Variants in ANO3 observed in about 807,000 individuals in gnomAD.
ANO3 encodes the protein anoctamin-3.
ANO3 carries 99 observed loss-of-function variants against 144.8 expected under a neutral mutation model. That is an observed-to-expected ratio of 0.68 (90% CI 0.58 to 0.81). ANO3 has a LOEUF of 0.81. Among genes scored for constraint, ANO3 ranks in the 30% least tolerant of loss-of-function variants. The pLI is 0.00. For synonymous variants in ANO3, 414 were observed against 392.6 expected (o/e 1.05, Z -0.64); for missense variants, 905 against 1,202.2 (o/e 0.75, Z 3.66).
intron 1 of ANO3, among the ~76,000 whole-genome samples, chr11:26,383,469 T>C (rs1352972515): frequency 7.1e-6 from 1 of 140,978 alleles, no homozygotes; most frequent in Non-Finnish European, 1.6e-5. Context: ...TCATGTTAGA[T>C]TGTTCCTAAT....
chr11:26,281,254 T>TAA lies in ANO3; in HGVS notation c.155-28390_155-28389dup, dbSNP rs540318581. 4.3e-4 allele frequency among the ~76,000 whole-genome samples: 66 copies of TAA among 152,292 alleles called. No individual in the cohort carries two copies. The South Asian group carries it at 0.011, about 25-fold the overall frequency. Reference sequence around the variant, plus strand: ...TCAGAATGTGTAGTATTAATATATATAATCCTATAGTTGGCACACAATTTC... The same window carrying TAA: ...TCAGAATGTGTAGTATTAATATATATAAAATCCTATAGTTGGCACACAATTTC... On this transcript the variant is annotated intron_variant, in intron 1 of 27. Transcript: ENST00000672621.
At chr11:26,444,865 G>A (rs1314291045) in intron 3 of ANO3, among the ~76,000 whole-genome samples, 1 of 152,058 alleles carries the variant, frequency 6.6e-6, no homozygotes, top group African/African-American at 2.4e-5. Context: ...AAACAGTGCT[G>A]GCTTATTAAG....
rs772244354 is a variant in ANO3 at position 26,479,762 on chromosome 11, C to T, written c.432+16614C>T. 4.6e-5 allele frequency among the ~76,000 whole-genome samples: 7 copies of T among 152,022 alleles called. No homozygotes were observed. The East Asian group carries it at 5.8e-4, about 13-fold the overall frequency. On this transcript the variant is annotated intron_variant, in intron 4 of 26. Transcript: ENST00000256737. ...ATCATCTATAATATATATGCACTCA[C>T]GAATACAGTTAAATCTACATTTTTG...
intron 5 of ANO3, 148 bp downstream of exon 5, chr11:26,508,410 G>A (rs1861519993): frequency 1.7e-6 from 1 of 599,304 alleles, no homozygotes; most frequent in Non-Finnish European, 2.7e-6. Flanking sequence ...CATGCACATA[G>A]CCCTATTAAA....
chr11:26,586,501 A>ATTTTTTTTTTTTTTTTTTTTTTT (rs1281089936), intron 14 of ANO3, among the ~76,000 whole-genome samples: 14 of 40,004 alleles, frequency 3.5e-4, no homozygotes, highest in African/African-American at 7.2e-4. Context: ...CCTGGTGAGA[A>ATTTTTTTTTTTTTTTTTTTTTTT]TCTTTTTTTT....
chr11:26,541,889 C>G, intron 10 of ANO3, 58 bp from the exon 11 acceptor site: 1 of 1,515,374 alleles, frequency 6.6e-7, no homozygotes, highest in South Asian at 1.3e-5. Flanking sequence ...ACAGTTCTTA[C>G]TCAGTTAAAA....
intron 1 of ANO3, among the ~76,000 whole-genome samples, chr11:26,250,490 T>G (rs1852902682): frequency 6.6e-6 from 1 of 152,212 alleles, no homozygotes; most frequent in Admixed American, 6.5e-5. Flanking sequence ...ACGGTATTTC[T>G]ATTACCTGAG....
chr11:26,416,656 A>G (rs1355602630), intron 1 of ANO3, among the ~76,000 whole-genome samples: 1 of 151,932 alleles, frequency 6.6e-6, no homozygotes, highest in African/African-American at 2.4e-5. Flanking sequence ...CGATCTCCTG[A>G]CCTGGTGATC....
chr11:26,402,447 A>G (rs1857171508), intron 1 of ANO3, among the ~76,000 whole-genome samples: 1 of 152,064 alleles, frequency 6.6e-6, no homozygotes, highest in South Asian at 2.1e-4. Context: ...TCTGCTTTTG[A>G]AAAGTGTCTG....
intron 4 of ANO3, among the ~76,000 whole-genome samples, chr11:26,470,751 T>C (rs1247407692): frequency 6.6e-6 from 1 of 151,952 alleles, no homozygotes; most frequent in Non-Finnish European, 1.5e-5. Context: ...ATGTTTATAG[T>C]TTTTAACACC....
chr11:26,453,376 T>A (rs1046025483), intron 3 of ANO3, among the ~76,000 whole-genome samples: 1 of 151,772 alleles, frequency 6.6e-6, no homozygotes, highest in African/African-American at 2.4e-5. Context: ...AATAAAAGGA[T>A]GGAGGAAGAT....
chr11:26,535,800 G>C (rs890847107), intron 9 of ANO3, among the ~76,000 whole-genome samples: 4 of 151,268 alleles, frequency 2.6e-5, no homozygotes, highest in African/African-American at 2.4e-5. Flanking sequence ...AGCCAGGACA[G>C]TGTCAATCTC....
intron 5 of ANO3, among the ~76,000 whole-genome samples, chr11:26,513,627 C>T (rs1185392256): frequency 6.6e-6 from 1 of 152,068 alleles, no homozygotes; most frequent in Non-Finnish European, 1.5e-5. Context: ...TGTTTAAAAG[C>T]GAATGAGACC....
At chr11:26,505,203 T>C (rs2134131704) in intron 4 of ANO3, among the ~76,000 whole-genome samples, 1 of 152,000 alleles carries the variant, frequency 6.6e-6, no homozygotes, top group South Asian at 2.1e-4. Context: ...ATGATTTGAA[T>C]GTTTGATGGG....
intron 1 of ANO3, among the ~76,000 whole-genome samples, chr11:26,344,657 G>A (rs1236840243): frequency 1.1e-4 from 16 of 151,896 alleles, no homozygotes; most frequent in Admixed American, 8.5e-4. Flanking sequence ...GAGCCACCCC[G>A]CCCCACCAAA....
At chr11:26,628,649 A>G (rs1440755324) in intron 18 of ANO3, among the ~76,000 whole-genome samples, 1 of 152,208 alleles carries the variant, frequency 6.6e-6, no homozygotes, top group Non-Finnish European at 1.5e-5. Flanking sequence ...AGTAACTTCC[A>G]TTGTTTCAGT....
chr11:26,517,629 G>A (rs1280345736), intron 6 of ANO3, among the ~76,000 whole-genome samples: 3 of 151,986 alleles, frequency 2.0e-5, no homozygotes, highest in Admixed American at 6.6e-5. Flanking sequence ...TGCTTCCTCA[G>A]TTGCTATGGT....
At chr11:26,463,522 G>C (rs868811254) in intron 4 of ANO3, among the ~76,000 whole-genome samples, 1 of 151,590 alleles carries the variant, frequency 6.6e-6, no homozygotes, top group Non-Finnish European at 1.5e-5. Flanking sequence ...ACTTGATAAG[G>C]CTAATTAAAC....
At chr11:26,586,565 C>T (rs1163496000) in intron 14 of ANO3, among the ~76,000 whole-genome samples, 10 of 129,558 alleles carry the variant, frequency 7.7e-5, no homozygotes, top group Admixed American at 1.9e-4. Flanking sequence ...TGCAGTGGCG[C>T]GATCTCGGCT....
Sources: allele counts gnomAD v4.1 joint callset (sites outside exome capture counted in the v4.1 genomes callset), GRCh38; gene constraint gnomAD v4.1.1; transcripts MANE v1.5; gene names NCBI Gene and HGNC (gene_info 2026-07-23, HGNC 2026-07-21).